Variants in HIPK3 observed in about 807,000 individuals in gnomAD.
HIPK3 encodes homeodomain-interacting protein kinase 3.
HIPK3 carries 47 observed loss-of-function variants against 124.2 expected under a neutral mutation model. The observed-to-expected ratio is 0.38, with a 90% CI of 0.30 to 0.48. The LOEUF (loss-of-function observed/expected upper bound fraction) is 0.48. Among genes scored for constraint, HIPK3 ranks in the 20% least tolerant of loss-of-function variants. The pLI, the probability that HIPK3 is intolerant of heterozygous loss-of-function variation, is 0.98. For missense variants in HIPK3, 1,286 were observed against 1,454.3 expected, an observed-to-expected ratio of 0.88 and a Z score of 1.88; for synonymous variants, 482 against 515.2, an observed-to-expected ratio of 0.94 and a Z score of 0.87.
intron 1 of HIPK3, among the ~76,000 whole-genome samples, chr11:33,268,018 C>T (rs929915929): frequency 1.3e-5 from 2 of 151,810 alleles, no homozygotes; most frequent in African/African-American, 2.4e-5. Flanking sequence ...CAAGACCAGC[C>T]GGACCAACAT....
chr11:33,285,226 T>A (rs935684059), intron 1 of HIPK3, among the ~76,000 whole-genome samples: 1 of 152,206 alleles, frequency 6.6e-6, no homozygotes, highest in Admixed American at 6.5e-5. Context: ...ATAAATAGAA[T>A]GTCATTTAGT....
rs1020217109 is a variant in HIPK3, at chr11:33,348,708, A to G, written c.2556A>G (p.Lys852=). ...RQDSDSSVSD[K]QRQTIIIADS... is the part of the protein sequence containing the mutation. ...ACTCTGATTCATCAGTTTCAGACAAACAGCGGCAAACCATCATTATTGCCG... is the reference window on the plus strand; with the variant it reads ...ACTCTGATTCATCAGTTTCAGACAAGCAGCGGCAAACCATCATTATTGCCG... The change falls in exon 13 of 17, where the codon AAA becomes AAG. Residue 852 remains lysine, a synonymous_variant. Coordinates refer to ENST00000303296, the MANE Select transcript of HIPK3 (RefSeq NM_005734.5). 6.2e-7 allele frequency: 1 copy of G among 1,614,202 alleles called. No homozygotes were observed. The highest frequency in any genetic ancestry group is 1.7e-5 in the Admixed American group (1 of 60,028).
At chr11:33,344,835 T>A (rs1178365964) in intron 8 of HIPK3, among the ~76,000 whole-genome samples, 1 of 152,212 alleles carries the variant, frequency 6.6e-6, no homozygotes, top group African/African-American at 2.4e-5. Context: ...ACAGTCTTAG[T>A]ATCTAACGGG....
chr11:33,337,454 C>T (rs985721200), intron 4 of HIPK3, among the ~76,000 whole-genome samples: 1 of 151,638 alleles, frequency 6.6e-6, no homozygotes, highest in Admixed American at 6.6e-5. Flanking sequence ...CTCCTGGGTT[C>T]AACCAATTCG....
chr11:33,311,054 A>C (rs947679561), intron 2 of HIPK3, among the ~76,000 whole-genome samples: 1 of 152,178 alleles, frequency 6.6e-6, no homozygotes, highest in Non-Finnish European at 1.5e-5. Context: ...TCTATGCCTT[A>C]CTTTGAATTG....
chr11:33,341,384 A>AGT (rs1853329709), intron 7 of HIPK3, among the ~76,000 whole-genome samples, 179 bp from the exon 8 acceptor site: 1 of 152,208 alleles, frequency 6.6e-6, no homozygotes, highest in African/African-American at 2.4e-5. Context: ...CTCTACCAAA[A>AGT]GTAGAGGTCA....
At chr11:33,297,242 C>G (rs1462957105) in intron 2 of HIPK3, among the ~76,000 whole-genome samples, 3 of 152,164 alleles carry the variant, frequency 2.0e-5, no homozygotes, top group Non-Finnish European at 2.9e-5. Context: ...TACAGGTGCA[C>G]ACCACCACGC....
At chr11:33,332,301 A>G (rs1424902440) in intron 3 of HIPK3, among the ~76,000 whole-genome samples, 1 of 152,092 alleles carries the variant, frequency 6.6e-6, no homozygotes, top group Non-Finnish European at 1.5e-5. Flanking sequence ...AGACATCTAT[A>G]TTTAGTGTGT....
chr11:33,344,516 A>G (rs1461514047), intron 8 of HIPK3, among the ~76,000 whole-genome samples: 2 of 152,224 alleles, frequency 1.3e-5, no homozygotes, highest in Admixed American at 1.3e-4. Context: ...GAGGTTAGAA[A>G]AATCTTTTAT....
intron 3 of HIPK3, among the ~76,000 whole-genome samples, chr11:33,332,457 A>G (rs888964439): frequency 6.6e-5 from 10 of 152,162 alleles, no homozygotes; most frequent in Non-Finnish European, 1.3e-4. Flanking sequence ...GGAATTAAGG[A>G]CTATTTTATG....
intron 16 of HIPK3, 109 bp downstream of exon 16, chr11:33,352,374 C>A: frequency 1.7e-6 from 2 of 1,188,884 alleles, no homozygotes; most frequent in East Asian, 2.4e-5. Context: ...ATGAATTTTT[C>A]CCTTCTCATT....
At chr11:33,288,270 T>TG (rs1449986659) in intron 2 of HIPK3, among the ~76,000 whole-genome samples, 1 of 151,992 alleles carries the variant, frequency 6.6e-6, no homozygotes, top group East Asian at 1.9e-4. Context: ...CTGGCCAACA[T>TG]GGCGAAACCC....
intron 1 of HIPK3, among the ~76,000 whole-genome samples, chr11:33,259,253 C>G (rs1407790744): frequency 6.6e-6 from 1 of 152,140 alleles, no homozygotes; most frequent in Non-Finnish European, 1.5e-5. Context: ...AAGTCTTGAG[C>G]CGTAACGGTG....
At chr11:33,262,327 G>A (rs937790855) in intron 1 of HIPK3, among the ~76,000 whole-genome samples, 15 of 152,318 alleles carry the variant, frequency 9.8e-5, no homozygotes, top group African/African-American at 3.6e-4. Context: ...TTAGTCACTT[G>A]TAGGACAAAG....
At chr11:33,313,657 G>C (rs530840724) in intron 2 of HIPK3, among the ~76,000 whole-genome samples, 1 of 151,596 alleles carries the variant, frequency 6.6e-6, no homozygotes, top group Non-Finnish European at 1.5e-5. Context: ...TCAGTTATAA[G>C]GAAAAAAAAG....
intron 8 of HIPK3, among the ~76,000 whole-genome samples, chr11:33,345,550 C>T (rs909727020): frequency 6.7e-6 from 1 of 149,116 alleles, no homozygotes; most frequent in Middle Eastern, 3.4e-3. Flanking sequence ...AGAGAATTTA[C>T]AGACAATGAG....
intron 1 of HIPK3, among the ~76,000 whole-genome samples, chr11:33,262,998 T>A (rs1402911938): frequency 6.6e-6 from 1 of 152,050 alleles, no homozygotes. Context: ...TTTCATTTCT[T>A]TTTCTGTCTT....
At chr11:33,257,328 G>A (rs1850691014), upstream of HIPK3, 4 of 984,154 alleles carry the variant, frequency 4.1e-6, no homozygotes, top group Non-Finnish European at 4.8e-6. Flanking sequence ...GCGCTGCGGA[G>A]GCGGTGGCCG....
intron 2 of HIPK3, among the ~76,000 whole-genome samples, chr11:33,327,468 T>C (rs959407630): frequency 1.3e-5 from 2 of 152,230 alleles, no homozygotes; most frequent in African/African-American, 4.8e-5. Flanking sequence ...ATGCAATGCA[T>C]GATCCTGAGT....
Sources: allele counts gnomAD v4.1 joint callset (sites outside exome capture counted in the v4.1 genomes callset), GRCh38; gene constraint gnomAD v4.1.1; transcripts MANE v1.5; gene names NCBI Gene and HGNC (gene_info 2026-07-23, HGNC 2026-07-21).